Variants in POF1B observed in about 807,000 individuals in gnomAD.
The protein encoded by POF1B is POF1B actin binding protein.
In POF1B, 53 loss-of-function variants were observed where a neutral mutation model predicts 55.3. The ratio of observed to expected loss-of-function variants is 0.96; its 90% confidence interval spans 0.77 to 1.20. POF1B has a LOEUF of 1.20. POF1B is among the 50% of genes most tolerant of loss of function. The pLI is 0.00. For missense variants in POF1B, 478 were observed against 420.5 expected (o/e 1.14, Z -1.20); for synonymous variants, 188 against 148.3 (o/e 1.27, Z -1.95).
chrX:85,356,487 C>T (rs5967548), intron 4 of POF1B, among the ~76,000 whole-genome samples: 17 of 109,606 alleles, frequency 1.6e-4, no homozygotes, highest in Non-Finnish European at 3.0e-4. Flanking sequence ...AAAAGATTGT[C>T]TAGGCACTAA....
In POF1B at chrX:85,303,414, G is replaced by A. The variant is rs750794633; in HGVS notation, c.1641C>T (p.Thr547=). ...ATTTAAAAATACATTACTTTTTAGTGGTAATAGTAGTCCTTCCACCAGTGG... is the reference window on the plus strand; with the variant it reads ...ATTTAAAAATACATTACTTTTTAGTAGTAATAGTAGTCCTTCCACCAGTGG... The part of the protein sequence containing the change: ...QPSTGGRTTI[T]TKKYRTQYPI... The change falls in exon 15 of 17, where the codon ACC becomes ACT. Residue 547 remains threonine, a synonymous_variant. Transcript: ENST00000262753. 8.7e-7 allele frequency: 1 copy of A among 1,151,402 alleles called. No individual in the cohort carries two copies. The highest frequency in any genetic ancestry group is 3.0e-5 in the East Asian group (1 of 33,295). The allele number at this position is 1,151,402 out of a possible 1,213,427, so 94.9% of individuals were successfully genotyped here. A position where few individuals can be genotyped will look rare whatever the true frequency, so the allele number is the denominator to read the frequency against.
intron 7 of POF1B, among the ~76,000 whole-genome samples, chrX:85,329,644 T>TTA (rs1932944316): frequency 9.5e-6 from 1 of 104,890 alleles, no homozygotes; most frequent in African/African-American, 3.5e-5. Context: ...TTTTTTTTTT[T>TTA]AAAAAAAGAG....
At chrX:85,281,147 A>G (rs1342294266) in intron 16 of POF1B, among the ~76,000 whole-genome samples, 1 of 109,349 alleles carries the variant, frequency 9.1e-6, no homozygotes, top group Admixed American at 9.8e-5. Context: ...ATATTCAGGA[A>G]AAAAATCATT....
At chrX:85,361,022 C>A (rs1933606749) in intron 3 of POF1B, among the ~76,000 whole-genome samples, 1 of 111,456 alleles carries the variant, frequency 9.0e-6, no homozygotes, top group South Asian at 3.7e-4. Context: ...ACATGTATGG[C>A]TTCTTTTGAG....
rs2147957484 is a variant in POF1B, at chrX:85,379,193, C to G, written c.262G>C (p.Val88Leu). 2 of 1,211,241 alleles carry G rather than the reference C, an allele frequency of 1.7e-6. No individual in the cohort carries two copies. The highest frequency in any genetic ancestry group is 2.2e-6 in the Non-Finnish European group (2 of 895,272). The change falls in exon 2 of 17, where the codon GTT becomes CTT. Residue 88 changes from valine to leucine, a missense_variant. Val to Leu is a conservative substitution (Grantham distance 32). Transcript: ENST00000262753. ...LKTTSSYQNL[V>L]WSDHSQELHS... ...TGTACCTGAGAATGGTCGCTCCAAA[C>G]CAAATTTTGGTAGGAGGAGGTGGTT...
chrX:85,291,234 A>G (rs1483008655), intron 15 of POF1B, among the ~76,000 whole-genome samples: 1 of 111,760 alleles, frequency 8.9e-6, no homozygotes, highest in Non-Finnish European at 1.9e-5. Flanking sequence ...GTCAAAGATC[A>G]GATTGTTATA....
At chrX:85,355,717 G>A (rs867858328) in intron 4 of POF1B, among the ~76,000 whole-genome samples, 6 of 111,853 alleles carry the variant, frequency 5.4e-5, no homozygotes, top group African/African-American at 1.6e-4. Context: ...AATGCTCATC[G>A]TCACTGGCCA....
chrX:85,377,813 C>T (rs1302037427), intron 2 of POF1B, among the ~76,000 whole-genome samples: 2 of 111,708 alleles, frequency 1.8e-5, no homozygotes, highest in African/African-American at 3.2e-5. Flanking sequence ...AAAAATTGTC[C>T]GGTAGCCAAT....
intron 4 of POF1B, among the ~76,000 whole-genome samples, chrX:85,358,895 T>A (rs996315632): frequency 9.0e-6 from 1 of 111,452 alleles, no homozygotes; most frequent in Non-Finnish European, 1.9e-5. Flanking sequence ...AGCTGCTTTG[T>A]AAAACAAGTT....
intron 15 of POF1B, among the ~76,000 whole-genome samples, chrX:85,290,871 C>T (rs1932169748): frequency 9.0e-6 from 1 of 111,685 alleles, no homozygotes; most frequent in Non-Finnish European, 1.9e-5. Context: ...ATATTTTCTC[C>T]TATTTTGTAG....
chrX:85,318,421 C>T (rs1287514829), intron 7 of POF1B, among the ~76,000 whole-genome samples: 3 of 111,418 alleles, frequency 2.7e-5, no homozygotes, highest in Non-Finnish European at 5.7e-5. Context: ...TTGCTTTTGG[C>T]ATCTTTGTCA....
intron 2 of POF1B, among the ~76,000 whole-genome samples, chrX:85,374,142 T>C (rs1281335382): frequency 1.8e-5 from 2 of 111,615 alleles, no homozygotes; most frequent in Admixed American, 9.6e-5. Flanking sequence ...ATTAAAGTTG[T>C]GGAGATTTTA....
Position 85,359,584 on chromosome X carries a change from G to C in POF1B, c.404C>G (p.Thr135Ser). 8.3e-7 allele frequency: 1 copy of C among 1,202,075 alleles called. No homozygotes were observed. The highest frequency in any genetic ancestry group is 1.1e-6 in the Non-Finnish European group (1 of 890,261). The stretch of plus-strand genomic sequence containing the variant: ...ATTTTGTACTACATATTTCCTAATA[G>C]TGGTCTGTGGATATGTAGTAAGTTT... Reference protein sequence around the residue: ...TVKLTTYPQTTIRKYVVQNPE... With the variant: ...TVKLTTYPQTSIRKYVVQNPE... The change falls in exon 4 of 17, where the codon ACT (threonine) becomes AGT (serine). Residue 135 changes from threonine to serine, a missense_variant. Transcript: ENST00000262753.
chrX:85,327,481 T>C (rs1406777246), intron 7 of POF1B, among the ~76,000 whole-genome samples: 1 of 111,823 alleles, frequency 8.9e-6, no homozygotes, highest in African/African-American at 3.3e-5. Context: ...AACTAGTGAG[T>C]AGAAAGAGAA....
At chrX:85,323,360 C>T (rs1190920506) in intron 7 of POF1B, among the ~76,000 whole-genome samples, 2 of 107,734 alleles carry the variant, frequency 1.9e-5, no homozygotes, top group Non-Finnish European at 1.9e-5. Context: ...AAACCAAGCA[C>T]CGCATGTTCT....
chrX:85,328,754 A>C (rs1932930472), intron 7 of POF1B, among the ~76,000 whole-genome samples: 1 of 109,712 alleles, frequency 9.1e-6, no homozygotes, highest in Non-Finnish European at 1.9e-5. Flanking sequence ...TTGTAACTAC[A>C]TGTCTTAACT....
intron 4 of POF1B, among the ~76,000 whole-genome samples, chrX:85,356,157 T>C (rs1324558971): frequency 9.0e-6 from 1 of 110,620 alleles, no homozygotes. Context: ...ATGTCCTTTG[T>C]AGGGACATGG....
intron 3 of POF1B, among the ~76,000 whole-genome samples, chrX:85,360,527 G>GTGTATATATATATATATATATATATA (rs1555988251): frequency 1.7e-5 from 1 of 58,535 alleles, no homozygotes; most frequent in Admixed American, 1.9e-4. Context: ...TCCATGGTAT[G>GTGTATATATATATATATATATATATA]TATATATATA....
chrX:85,279,269 G>C lies in POF1B; in HGVS notation c.*152C>G. 1 of 532,052 alleles carries C rather than the reference G, an allele frequency of 1.9e-6. No homozygotes were observed. The highest frequency in any genetic ancestry group is 3.1e-6 in the Non-Finnish European group (1 of 320,664). 43.8% of individuals were successfully genotyped at this position (532,052 alleles called of 1,213,427 possible). On this transcript the variant is annotated 3_prime_UTR_variant, in exon 17 of 17. Transcript: ENST00000262753. Reference sequence around the variant, plus strand: ...ATGGGTGAAGAAATTGTCATCTACAGAACTAATTCATTCCATTAGATTTCT... The same window carrying C: ...ATGGGTGAAGAAATTGTCATCTACACAACTAATTCATTCCATTAGATTTCT...
Sources: gnomAD v4.1 joint callset for allele counts (sites outside exome capture counted in the v4.1 genomes callset) on GRCh38, gnomAD v4.1.1 for gene constraint, MANE v1.5 for transcripts, NCBI Gene and HGNC (gene_info 2026-07-23, HGNC 2026-07-21) for gene names.